SUMF1: variants seen among roughly 807,000 people sequenced by gnomAD.
The protein encoded by SUMF1 is formylglycine-generating enzyme.
SUMF1 carries 48 observed loss-of-function variants against 47.6 expected under a neutral mutation model. The ratio of observed to expected loss-of-function variants is 1.01; its 90% CI spans 0.80 to 1.28. The LOEUF (loss-of-function observed/expected upper bound fraction) is 1.28. SUMF1 is among the 50% of genes most tolerant of loss of function. The pLI, the probability that SUMF1 is intolerant of heterozygous loss-of-function variation, is 0.00. For synonymous variants in SUMF1, 230 were observed against 192.1 expected (o/e 1.20, Z -1.63); for missense variants, 571 against 485.4 (o/e 1.18, Z -1.66).
chr3:4,257,903 C>A (rs909541596), intron 8 of SUMF1, among the ~76,000 whole-genome samples: 1 of 151,204 alleles, frequency 6.6e-6, no homozygotes, highest in Non-Finnish European at 1.5e-5. Flanking sequence ...GGTACTGGTA[C>A]CAAAACAGAG....
At chr3:4,130,692 C>G (rs1240285445) in intron 8 of SUMF1, among the ~76,000 whole-genome samples, 1 of 152,148 alleles carries the variant, frequency 6.6e-6, no homozygotes, top group Non-Finnish European at 1.5e-5. Context: ...GGATAAGTTG[C>G]TGTATTTGTC....
intron 3 of SUMF1, among the ~76,000 whole-genome samples, chr3:4,444,600 AC>A (rs756770121): frequency 1.3e-5 from 2 of 152,170 alleles, no homozygotes; most frequent in Admixed American, 6.5e-5. Flanking sequence ...TGTGTATGTA[AC>A]CTGGGATAAA....
intron 8 of SUMF1, among the ~76,000 whole-genome samples, chr3:4,214,086 T>C (rs1695862237): frequency 6.6e-6 from 1 of 152,138 alleles, no homozygotes; most frequent in South Asian, 2.1e-4. Flanking sequence ...GAACTCTCCA[T>C]ACAAATCAAC....
At chr3:4,348,730 C>T (rs1474468328) in intron 8 of SUMF1, among the ~76,000 whole-genome samples, 1 of 151,152 alleles carries the variant, frequency 6.6e-6, no homozygotes, top group Non-Finnish European at 1.5e-5. Flanking sequence ...AAAAAATTAG[C>T]CAGGTGTGGT....
At chr3:4,341,613 C>T (rs185090465) in intron 8 of SUMF1, among the ~76,000 whole-genome samples, 1 of 152,190 alleles carries the variant, frequency 6.6e-6, no homozygotes, top group Admixed American at 6.5e-5. Context: ...GATTTTTTGA[C>T]ACTTGTCATT....
intron 8 of SUMF1, chr3:4,312,851 A>C: frequency 6.5e-7 from 1 of 1,540,630 alleles, no homozygotes; most frequent in South Asian, 1.3e-5. Flanking sequence ...ATATATAGGA[A>C]ATATATGACA....
At chr3:4,073,982 T>C (rs1338589176) in intron 8 of SUMF1, among the ~76,000 whole-genome samples, 1 of 152,098 alleles carries the variant, frequency 6.6e-6, no homozygotes, top group Non-Finnish European at 1.5e-5. Context: ...CTCTGGACCA[T>C]GCGGACCTAA....
chr3:4,401,011 G>T (rs1163325502), intron 7 of SUMF1, among the ~76,000 whole-genome samples: 1 of 131,222 alleles, frequency 7.6e-6, no homozygotes, highest in Non-Finnish European at 1.5e-5. Context: ...TCCTCACCCG[G>T]TGTCCAAGTG....
intron 8 of SUMF1, among the ~76,000 whole-genome samples, chr3:4,085,862 C>T (rs1342684936): frequency 1.3e-5 from 2 of 149,010 alleles, no homozygotes; most frequent in Non-Finnish European, 1.5e-5. Flanking sequence ...ATAGACAATA[C>T]TCCCATGATT....
At chr3:4,340,245 G>A (rs756250940) in intron 8 of SUMF1, among the ~76,000 whole-genome samples, 1 of 152,198 alleles carries the variant, frequency 6.6e-6, no homozygotes, top group East Asian at 1.9e-4. Context: ...TGCTGAATCC[G>A]GGACCACACT....
chr3:4,374,612 A>G (rs1467752005), intron 8 of SUMF1, among the ~76,000 whole-genome samples: 1 of 152,216 alleles, frequency 6.6e-6, no homozygotes, highest in Non-Finnish European at 1.5e-5. Flanking sequence ...CTTAGAAAGT[A>G]AATGGATTCT....
intron 8 of SUMF1, chr3:4,229,232 G>A (rs1188939704): frequency 3.6e-6 from 1 of 274,730 alleles, no homozygotes; most frequent in Non-Finnish European, 7.2e-6. Flanking sequence ...TCCTTCCCTG[G>A]TTGTCACAAG....
At chr3:4,039,706 C>T (rs995244732) in intron 9 of SUMF1, among the ~76,000 whole-genome samples, 1 of 151,932 alleles carries the variant, frequency 6.6e-6, no homozygotes, top group Non-Finnish European at 1.5e-5. Context: ...ACAATAGGTC[C>T]TAATGACTAT....
At chr3:4,443,135 G>A (rs370975079) in intron 3 of SUMF1, among the ~76,000 whole-genome samples, 39 of 152,044 alleles carry the variant, frequency 2.6e-4, no homozygotes, top group East Asian at 1.4e-3. Context: ...AACATTAGCC[G>A]GGCGTGGTGG....
intron 8 of SUMF1, among the ~76,000 whole-genome samples, chr3:4,318,916 A>G (rs887581835): frequency 5.9e-5 from 9 of 152,100 alleles, no homozygotes; most frequent in African/African-American, 2.2e-4. Context: ...AAAAAAACAC[A>G]AAAAAAGCCG....
At chr3:4,463,243 G>A (rs894078681) in intron 1 of SUMF1, among the ~76,000 whole-genome samples, 1 of 152,222 alleles carries the variant, frequency 6.6e-6, no homozygotes, top group Non-Finnish European at 1.5e-5. Flanking sequence ...TGTAATCCCA[G>A]CACTTTGGGA....
chr3:4,324,121 A>C (rs1441130763), intron 8 of SUMF1, among the ~76,000 whole-genome samples: 1 of 152,132 alleles, frequency 6.6e-6, no homozygotes, highest in Non-Finnish European at 1.5e-5. Flanking sequence ...AATTTACCAA[A>C]TGTGGCCCCA....
chr3:4,291,185 C>T (rs1447930176), intron 8 of SUMF1, among the ~76,000 whole-genome samples: 1 of 152,152 alleles, frequency 6.6e-6, no homozygotes, highest in Non-Finnish European at 1.5e-5. Context: ...TCAAAACATT[C>T]AATTGTTAAA....
intron 8 of SUMF1, among the ~76,000 whole-genome samples, chr3:4,144,927 C>T (rs1694157872): frequency 6.6e-6 from 1 of 152,032 alleles, no homozygotes; most frequent in Non-Finnish European, 1.5e-5. Context: ...CGGCAGGGCG[C>T]GGTGGCTCAC....
Sources: allele counts gnomAD v4.1 joint callset (sites outside exome capture counted in the v4.1 genomes callset), GRCh38; gene constraint gnomAD v4.1.1; transcripts MANE v1.5; gene names NCBI Gene and HGNC (gene_info 2026-07-23, HGNC 2026-07-21).